The following WLS variants were observed in gnomAD, a reference collection of about 807,000 sequenced individuals.
The protein encoded by WLS is Wnt ligand secretion mediator, also known as protein wntless homolog.
A neutral mutation model predicts 62.8 loss-of-function variants in WLS; 23 were observed. That is an observed-to-expected ratio of 0.37 (90% CI 0.26 to 0.52). The LOEUF (loss-of-function observed/expected upper bound fraction) is 0.52, where lower values mean the gene tolerates loss of function less well. WLS is among the 20% of genes least tolerant of loss of function. The pLI is 0.92. For synonymous variants in WLS, 246 were observed against 244.1 expected, an observed-to-expected ratio of 1.01 and a Z score of -0.07; for missense variants, 615 against 697.3, an observed-to-expected ratio of 0.88 and a Z score of 1.33.
Position 68,137,937 on chromosome 1 carries a change from C to T in WLS, c.1363-4G>A, listed in dbSNP as rs370568408. ...ATTTCCAATGGCCTTCCGTTACCTGCGGAGAAAGGATGGTGATATTCAATT... is the reference window on the plus strand; with the variant it reads ...ATTTCCAATGGCCTTCCGTTACCTGTGGAGAAAGGATGGTGATATTCAATT... On this transcript the variant is annotated splice_region_variant and splice_polypyrimidine_tract_variant and intron_variant, in intron 10 of 11. Transcript: ENST00000262348. 4.3e-5 allele frequency: 70 copies of T among 1,613,330 alleles called. No individual in the cohort carries two copies. The highest frequency in any genetic ancestry group is 8.9e-5 in the East Asian group (4 of 44,886).
chr1:68,140,221 C>T (rs1335540329), intron 10 of WLS, among the ~76,000 whole-genome samples: 1 of 152,106 alleles, frequency 6.6e-6, no homozygotes, highest in East Asian at 1.9e-4. Flanking sequence ...ATTGCTCAGC[C>T]AGAAAGCCAT....
At chr1:68,138,431 A>G (rs541353194) in intron 10 of WLS, 1 of 152,826 alleles carries the variant, frequency 6.5e-6, no homozygotes, top group Non-Finnish European at 1.5e-5. Flanking sequence ...AAGACTCCAG[A>G]CTTCAGAACT....
chr1:68,160,192 C>A (rs964610348), intron 2 of WLS, among the ~76,000 whole-genome samples: 1 of 147,492 alleles, frequency 6.8e-6, no homozygotes, highest in African/African-American at 2.5e-5. Flanking sequence ...TTGTAAATAT[C>A]ATTTTGTTAG....
intron 5 of WLS, 101 bp from the exon 6 acceptor site, chr1:68,150,457 T>G: frequency 6.7e-7 from 1 of 1,489,704 alleles, no homozygotes; most frequent in Non-Finnish European, 9.2e-7. Context: ...ATGTTACTTA[T>G]TGGGTCTGAA....
rs34130992 is a variant in WLS at position 68,187,189 on chromosome 1, C to CAAAAAAAAAAAAAAAAAAAAAA, written c.379+6744_379+6765dup. Among the ~76,000 whole-genome samples, 416 of 57,108 alleles carry CAAAAAAAAAAAAAAAAAAAAAA rather than the reference C, an allele frequency of 7.3e-3. 48 individuals carry two copies. The highest frequency in any genetic ancestry group is 0.026 in the African/African-American group (347 of 13,326). 37.5% of individuals were successfully genotyped at this position (57,108 alleles called of 152,430 possible). ...GGGGGACAGAGCAAGACTCCATCTCCAAAAAAAAAAAAAAAAAAAAAATTA... is the reference window on the plus strand; with the variant it reads ...GGGGGACAGAGCAAGACTCCATCTCCAAAAAAAAAAAAAAAAAAAAAAAAAAAAAAAAAAAAAAAAAAAATTA... On this transcript the variant is annotated intron_variant, in intron 2 of 11. Transcript: ENST00000262348.
chr1:68,161,913 G>A (rs769252005), intron 2 of WLS: 17 of 1,610,142 alleles, frequency 1.1e-5, no homozygotes, highest in African/African-American at 1.3e-5. Context: ...CTGGAGCCAC[G>A]CCCACGATGC....
intron 2 of WLS, among the ~76,000 whole-genome samples, chr1:68,193,570 T>A (rs553019957): frequency 3.4e-5 from 5 of 148,840 alleles, no homozygotes; most frequent in Non-Finnish European, 7.5e-5. Flanking sequence ...TAAAAAAAAA[T>A]AAAAACCTTT....
At chr1:68,210,211 G>A (rs1416068605) in intron 1 of WLS, among the ~76,000 whole-genome samples, 1 of 152,190 alleles carries the variant, frequency 6.6e-6, no homozygotes, top group African/African-American at 2.4e-5. Flanking sequence ...GGTTGCCATG[G>A]TAGCAGAGGT....
intron 1 of WLS, among the ~76,000 whole-genome samples, chr1:68,230,928 A>C (rs1650382111): frequency 6.6e-6 from 1 of 152,116 alleles, no homozygotes; most frequent in Non-Finnish European, 1.5e-5. Context: ...TCTGGCAGCG[A>C]CGCCGCCGGC....
At position 68,153,501 on chromosome 1, in the gene WLS, C is replaced by T; in HGVS notation, c.803+16G>A. 4 of 1,613,930 alleles carry T rather than the reference C, an allele frequency of 2.5e-6. No individual in the cohort carries two copies. The highest frequency in any genetic ancestry group is 3.4e-6 in the Non-Finnish European group (4 of 1,179,934). Reference sequence around the variant, plus strand: ...AAGCCAGTATTCCTGAAGAGCGCTCCAAAACCAGCTCTTACTTTTCCAGAA... The same window carrying T: ...AAGCCAGTATTCCTGAAGAGCGCTCTAAAACCAGCTCTTACTTTTCCAGAA... On this transcript the variant is annotated intron_variant, in intron 5 of 11. Transcript: ENST00000262348.
chr1:68,177,897 G>T (rs989100988), intron 2 of WLS, among the ~76,000 whole-genome samples: 34 of 152,136 alleles, frequency 2.2e-4, no homozygotes, highest in African/African-American at 8.2e-4. Context: ...ACCCTATAAA[G>T]GTAGTACTAC....
chr1:68,195,877 A>C (rs545430507), intron 1 of WLS, among the ~76,000 whole-genome samples: 1 of 152,000 alleles, frequency 6.6e-6, no homozygotes, highest in Non-Finnish European at 1.5e-5. Flanking sequence ...GTGAGGTTCT[A>C]GTTTTATTTC....
intron 1 of WLS, among the ~76,000 whole-genome samples, chr1:68,217,122 A>G (rs532267490): frequency 6.6e-6 from 1 of 152,304 alleles, no homozygotes; most frequent in East Asian, 1.9e-4. Flanking sequence ...ACAGTCCTCT[A>G]TGACACATGC....
chr1:68,140,507 T>C (rs1646670451), intron 10 of WLS, among the ~76,000 whole-genome samples: 1 of 152,176 alleles, frequency 6.6e-6, no homozygotes, highest in South Asian at 2.1e-4. Context: ...ACTGGATATA[T>C]AAACAAAATA....
chr1:68,178,577 A>C (rs1647363540), intron 2 of WLS, among the ~76,000 whole-genome samples: 1 of 152,042 alleles, frequency 6.6e-6, no homozygotes, highest in Non-Finnish European at 1.5e-5. Context: ...ATGGTGGCAC[A>C]CGCCTGTAAT....
At chr1:68,198,796 A>G (rs1388394593) in intron 1 of WLS, among the ~76,000 whole-genome samples, 1 of 152,240 alleles carries the variant, frequency 6.6e-6, no homozygotes, top group Non-Finnish European at 1.5e-5. Context: ...GGGAGGTGGG[A>G]GAAATGAATA....
downstream of WLS, among the ~76,000 whole-genome samples, chr1:68,121,602 A>C (rs1400774699): frequency 6.6e-6 from 1 of 152,204 alleles, no homozygotes; most frequent in Admixed American, 6.5e-5. Flanking sequence ...CAGCCTGCAG[A>C]AGTCAGATGG....
chr1:68,214,742 GC>G (rs1360933670), intron 1 of WLS, among the ~76,000 whole-genome samples: 1 of 152,188 alleles, frequency 6.6e-6, no homozygotes, highest in Non-Finnish European at 1.5e-5. Context: ...AGATACTTAA[GC>G]AAAAACTAAA....
intron 8 of WLS, among the ~76,000 whole-genome samples, chr1:68,147,250 G>A (rs963394675): frequency 7.2e-5 from 11 of 152,262 alleles, no homozygotes; most frequent in Non-Finnish European, 1.2e-4. Flanking sequence ...AGTTGAACTA[G>A]ATTTAACATT....
Sources: allele counts gnomAD v4.1 joint callset (sites outside exome capture counted in the v4.1 genomes callset), GRCh38; gene constraint gnomAD v4.1.1; transcripts MANE v1.5; gene names NCBI Gene and HGNC (gene_info 2026-07-23, HGNC 2026-07-21).